RANBP2: variants seen among roughly 807,000 people sequenced by gnomAD.
RANBP2 encodes the protein E3 SUMO-protein ligase RanBP2.
RANBP2 carries 57 observed loss-of-function variants against 303.6 expected under a neutral mutation model. That is an observed-to-expected ratio of 0.19 (90% CI 0.15 to 0.23). The LOEUF is 0.23. Among genes scored for constraint, RANBP2 ranks in the 10% least tolerant of loss-of-function variants. The pLI is 1.00. For missense variants in RANBP2, 3,138 were observed against 3,780.8 expected, an observed-to-expected ratio of 0.83 and a Z score of 4.46; for synonymous variants, 1,167 against 1,301.5, an observed-to-expected ratio of 0.90 and a Z score of 2.23.
At chr2:108,896,710 A>G in the RANBP2 span, 3 of 608,864 alleles carry the variant, frequency 4.9e-6, no homozygotes, top group South Asian at 2.1e-5. Context: ...ATCTGAAAGT[A>G]TCCCGGCTCT....
the RANBP2 span, chr2:109,574,582 T>A: frequency 6.6e-7 from 1 of 1,518,364 alleles, no homozygotes; most frequent in Non-Finnish European, 8.8e-7. Flanking sequence ...TCAACCCACC[T>A]TGCTGTCAAG....
the RANBP2 span, among the ~76,000 whole-genome samples, chr2:109,633,472 C>T: frequency 8.6e-5 from 13 of 151,694 alleles, no homozygotes; most frequent in South Asian, 2.1e-4. Context: ...GATGCTGAGG[C>T]GCCCAGGGGA....
At chr2:108,796,780 C>T in the RANBP2 span, among the ~76,000 whole-genome samples, 1 of 152,000 alleles carries the variant, frequency 6.6e-6, no homozygotes, top group African/African-American at 2.4e-5. Context: ...AAGTGGGTCT[C>T]ATAGAAATAG....
the RANBP2 span, among the ~76,000 whole-genome samples, chr2:109,046,987 T>G: frequency 1.3e-5 from 2 of 152,040 alleles, no homozygotes; most frequent in Non-Finnish European, 2.9e-5. Context: ...TCCTCCTGGC[T>G]GCACCCGGCC....
At chr2:108,804,936 G>C in the RANBP2 span, 1 of 1,571,312 alleles carries the variant, frequency 6.4e-7, no homozygotes, top group Admixed American at 2.0e-5. Flanking sequence ...TTAAGGAAAA[G>C]AATAAAGAAA....
At chr2:109,303,994 C>T in the RANBP2 span, among the ~76,000 whole-genome samples, 1 of 151,946 alleles carries the variant, frequency 6.6e-6, no homozygotes, top group Admixed American at 6.6e-5. Flanking sequence ...TCAGCTACTT[C>T]AGAGGCTGAG....
the RANBP2 span, among the ~76,000 whole-genome samples, chr2:109,349,147 A>G: frequency 7.7e-6 from 1 of 130,572 alleles, no homozygotes; most frequent in Admixed American, 8.1e-5. Flanking sequence ...TCTCTCCCCC[A>G]TCTGCTGAGT....
the RANBP2 span, among the ~76,000 whole-genome samples, chr2:109,547,878 G>T: frequency 6.6e-6 from 1 of 152,116 alleles, no homozygotes; most frequent in Non-Finnish European, 1.5e-5. Flanking sequence ...TGCCACCCTG[G>T]GTAGTTCTTT....
At chr2:109,228,955 G>T in the RANBP2 span, among the ~76,000 whole-genome samples, 1 of 152,152 alleles carries the variant, frequency 6.6e-6, no homozygotes, top group South Asian at 2.1e-4. Context: ...CAAGTTTCTG[G>T]TCATGGCTAG....
chr2:108,820,699 C>CAA, the RANBP2 span, among the ~76,000 whole-genome samples: 37 of 62,534 alleles, frequency 5.9e-4, no homozygotes, highest in African/African-American at 1.3e-3. Flanking sequence ...ATTCAAAGTG[C>CAA]AAAAAAAAAA....
chr2:109,625,258 G>A, the RANBP2 span, among the ~76,000 whole-genome samples: 1 of 152,046 alleles, frequency 6.6e-6, no homozygotes, highest in Non-Finnish European at 1.5e-5. Flanking sequence ...TTGCAGCATT[G>A]TTTGTAATAG....
chr2:109,413,246 C>G, the RANBP2 span, among the ~76,000 whole-genome samples: 1 of 152,332 alleles, frequency 6.6e-6, no homozygotes, highest in African/African-American at 2.4e-5. Flanking sequence ...TCCCAAGTAA[C>G]TGGGATTACA....
rs774402442 is a variant in RANBP2, at chr2:108,763,257, T to C, written c.2718T>C (p.Asn906=). The C allele has an allele frequency of 1.2e-6, 2 of 1,613,720 alleles. No individual in the cohort carries two copies. The highest frequency in any genetic ancestry group is 2.2e-5 in the East Asian group (1 of 44,876). ...TTTAGGGCCCAGTCTATGGCATGAATAGGCTTCCACCCCAACAGCATATTT... is the reference window on the plus strand; with the variant it reads ...TTTAGGGCCCAGTCTATGGCATGAACAGGCTTCCACCCCAACAGCATATTT... ...TPTKGPVYGM[N]RLPPQQHIYA... is the part of the protein sequence containing the mutation. Residue 906 remains asparagine, a synonymous_variant, in exon 20 of 29, where the codon AAT becomes AAC. Transcript: ENST00000283195.
At chr2:109,259,096 A>G in the RANBP2 span, among the ~76,000 whole-genome samples, 2 of 152,214 alleles carry the variant, frequency 1.3e-5, no homozygotes, top group Non-Finnish European at 2.9e-5. Context: ...AGAGTTTCTG[A>G]CACATACCTA....
At chr2:109,001,968 G>A in the RANBP2 span, among the ~76,000 whole-genome samples, 1 of 152,024 alleles carries the variant, frequency 6.6e-6, no homozygotes, top group Non-Finnish European at 1.5e-5. Context: ...CTGACCTCAT[G>A]ATCCGCCCGC....
the RANBP2 span, among the ~76,000 whole-genome samples, chr2:109,532,037 G>A: frequency 2.0e-5 from 3 of 152,358 alleles, no homozygotes; most frequent in African/African-American, 4.8e-5. Flanking sequence ...GGACACACGG[G>A]ACCCCACGGC....
In RANBP2 at chr2:108,766,323, T is replaced by C; in HGVS notation, c.5784T>C (p.Ser1928=). 1 of 1,612,064 alleles carries C rather than the reference T, an allele frequency of 6.2e-7. No homozygotes were observed. Among genetic ancestry groups the C allele is most frequent in the Non-Finnish European group, 8.5e-7 (1 of 1,179,890 alleles). The change falls in exon 20 of 29, where the codon AGT becomes AGC. Residue 1928 remains serine (S), a synonymous_variant. Transcript: ENST00000283195. ...CTGGCTTCCAGGCTCAGGATATTAGTGGCCAGAAGAATGGCCGTGGTGTGA... is the reference window on the plus strand; with the variant it reads ...CTGGCTTCCAGGCTCAGGATATTAGCGGCCAGAAGAATGGCCGTGGTGTGA... The part of the protein sequence containing the change: ...NGTGFQAQDI[S]GQKNGRGVIF...
chr2:109,555,314 C>T, the RANBP2 span, among the ~76,000 whole-genome samples: 1 of 152,134 alleles, frequency 6.6e-6, no homozygotes, highest in African/African-American at 2.4e-5. Context: ...AGGTTTCAGC[C>T]ACACCAACCT....
At chr2:108,720,915 G>C (rs1485029805) in intron 1 of RANBP2, among the ~76,000 whole-genome samples, 1 of 152,146 alleles carries the variant, frequency 6.6e-6, no homozygotes, top group Non-Finnish European at 1.5e-5. Flanking sequence ...CGGGCGTGGT[G>C]GCGCATGCCT....
Sources: allele counts gnomAD v4.1 joint callset (sites outside exome capture counted in the v4.1 genomes callset), GRCh38; gene constraint gnomAD v4.1.1; transcripts MANE v1.5; gene names NCBI Gene and HGNC (gene_info 2026-07-23, HGNC 2026-07-21).